The following PZP variants were observed in gnomAD, a reference collection of about 807,000 sequenced individuals.
The protein encoded by PZP is pregnancy zone protein.
PZP carries 150 observed loss-of-function variants against 179.8 expected under a neutral mutation model. The observed-to-expected ratio is 0.83, with a 90% CI of 0.73 to 0.96. The LOEUF (loss-of-function observed/expected upper bound fraction) is 0.96, where lower values mean the gene tolerates loss of function less well. PZP is among the 40% of genes least tolerant of loss of function. PZP has a pLI of 0.00. For missense variants in PZP, 1,689 were observed against 1,764.0 expected (o/e 0.96, Z 0.76); for synonymous variants, 624 against 652.3 (o/e 0.96, Z 0.66).
chr12:9,162,318 T>C, intron 22 of PZP: 1 of 328,052 alleles, frequency 3.0e-6, no homozygotes, highest in Non-Finnish European at 5.5e-6. Flanking sequence ...CAGCTGGGCT[T>C]GTCAGTGAGC....
intron 34 of PZP, among the ~76,000 whole-genome samples, chr12:9,150,408 T>C (rs1005666893): frequency 4.6e-5 from 7 of 152,022 alleles, no homozygotes; most frequent in African/African-American, 1.7e-4. Flanking sequence ...TCAGCCTCCA[T>C]AGTAGCTGGG....
chr12:9,152,169 G>A (rs191701890), intron 32 of PZP, 51 bp downstream of exon 32: 1 of 1,273,004 alleles, frequency 7.9e-7, no homozygotes, highest in South Asian at 1.2e-5. Context: ...TTAGTTTGGG[G>A]ATACAGAACA....
At position 9,196,379 on chromosome 12, in the gene PZP, A is replaced by C. The variant is rs773544413; in HGVS notation, c.1043T>G (p.Phe348Cys). ...TCTAAAGTGTGAATCCACTTTCACG[A>C]ATTTGAGTTTGGATACAATGTTTGT... ...EITNIVSKLK[F>C]VKVDSHFRQG... Residue 348 changes from phenylalanine to cysteine, a missense_variant, in exon 10 of 36, where the codon TTC becomes TGC. Physicochemically the swap from Phe to Cys is radical, Grantham distance 205 (BLOSUM62 -2). Transcript: ENST00000261336. 6.2e-7 allele frequency: 1 copy of C among 1,613,894 alleles called. No homozygotes were observed. The highest frequency in any genetic ancestry group is 8.5e-7 in the Non-Finnish European group (1 of 1,179,832).
chr12:9,184,410 A>T (rs1319006245), intron 13 of PZP, among the ~76,000 whole-genome samples: 1 of 152,192 alleles, frequency 6.6e-6, no homozygotes, highest in East Asian at 1.9e-4. Flanking sequence ...CCCCACCCCC[A>T]TGCTAACACC....
intron 28 of PZP, 115 bp downstream of exon 28, chr12:9,157,060 A>G (rs1460063060): frequency 9.4e-6 from 9 of 954,240 alleles, no homozygotes; most frequent in South Asian, 5.5e-5. Flanking sequence ...TGCATTAGCT[A>G]TCTATCCTGA....
At chr12:9,146,931 C>T (rs189121003), downstream of PZP, among the ~76,000 whole-genome samples, 16 of 152,108 alleles carry the variant, frequency 1.1e-4, no homozygotes, top group East Asian at 5.8e-4. Context: ...TTTTCCCAGG[C>T]GGAAGTTGAG....
chr12:9,184,243 C>T (rs1258342877), intron 13 of PZP, among the ~76,000 whole-genome samples: 1 of 152,206 alleles, frequency 6.6e-6, no homozygotes, highest in Admixed American at 6.5e-5. Context: ...AGGCACTAAG[C>T]TCGCCAACCC....
downstream of PZP, among the ~76,000 whole-genome samples, chr12:9,148,035 C>T (rs1940102494): frequency 6.6e-6 from 1 of 151,942 alleles, no homozygotes; most frequent in African/African-American, 2.4e-5. Flanking sequence ...ATTAACTACT[C>T]TCATGCCATT....
chr12:9,152,109 A>AT lies in PZP; in HGVS notation c.4212+110dup, dbSNP rs914772048. ...TTTACTTCCTGGGTTTGGGAAAAAT[A>AT]TTTTTTTGAGGCAGGATGATGTTGA... On this transcript the variant is annotated intron_variant, in intron 32 of 35. Coordinates refer to ENST00000261336, the MANE Select transcript of PZP (RefSeq NM_002864.3). 107 of 860,530 alleles carry AT rather than the reference A, an allele frequency of 1.2e-4. 2 individuals are homozygous for AT. In the African/African-American group the frequency reaches 1.5e-3, roughly 12 times the overall value. The allele number at this position is 860,530 out of a possible 1,614,324, so 53.3% of individuals were successfully genotyped here.
downstream of PZP, chr12:9,148,761 C>A (rs1381327601): frequency 2.0e-6 from 1 of 500,372 alleles, no homozygotes; most frequent in Non-Finnish European, 3.5e-6. Context: ...AACCTTTGCA[C>A]CAAAATTAAA....
chr12:9,203,215 GATT>G (rs1435480044), intron 2 of PZP, among the ~76,000 whole-genome samples: 1 of 152,086 alleles, frequency 6.6e-6, no homozygotes, highest in Non-Finnish European at 1.5e-5. Flanking sequence ...TGGGCAATAG[GATT>G]ATTATTTAGG....
At chr12:9,208,093 A>G (rs1944530929) in intron 1 of PZP, among the ~76,000 whole-genome samples, 166 bp downstream of exon 1, 1 of 152,176 alleles carries the variant, frequency 6.6e-6, no homozygotes, top group South Asian at 2.1e-4. Context: ...GATTTCAAGA[A>G]TAGAGGATAA....
intron 15 of PZP, 101 bp from the exon 16 acceptor site, chr12:9,169,692 A>C: frequency 3.5e-6 from 4 of 1,158,944 alleles, no homozygotes; most frequent in Non-Finnish European, 4.6e-6. Flanking sequence ...TCTTTTCTTG[A>C]GTACGTTCAT....
intron 23 of PZP, 103 bp from the exon 24 acceptor site, chr12:9,160,593 A>G: frequency 9.2e-7 from 1 of 1,087,742 alleles, no homozygotes; most frequent in Non-Finnish European, 1.3e-6. Context: ...CATTTAGGTA[A>G]GAGAAAAGTT....
At chr12:9,140,877 C>G in the PZP span, among the ~76,000 whole-genome samples, 2 of 152,170 alleles carry the variant, frequency 1.3e-5, no homozygotes, top group Non-Finnish European at 2.9e-5. Flanking sequence ...CCTTAAAGGA[C>G]AGCACACCTC....
chr12:9,153,262 C>CGGT lies in PZP; in HGVS notation c.3853_3855dup (p.Thr1285dup), dbSNP rs775876802. On this transcript the variant is annotated inframe_insertion, in exon 30 of 36. Coordinates refer to ENST00000261336, the MANE Select transcript of PZP (RefSeq NM_002864.3). ...GTAGAAAAGGTCTGTGAATCCTGAACGGTGACCTGTGCAGTTTTCTCAGTT... is the reference window on the plus strand; with the variant it reads ...GTAGAAAAGGTCTGTGAATCCTGAACGGTGGTGACCTGTGCAGTTTTCTCAGTT... 3.1e-6 allele frequency: 5 copies of CGGT among 1,614,000 alleles called. No individual in the cohort carries two copies. The African/African-American group carries it at 6.7e-5, about 22-fold the overall frequency.
In PZP at chr12:9,197,078, C is replaced by T. The variant is rs1943819493; in HGVS notation, c.801G>A (p.Leu267=). The part of the protein sequence containing the change: ...KPVPGLATVS[L]CRKLSRVLNC... The stretch of plus-strand genomic sequence containing the variant: ...TAAGAACACGAGATAATTTTCTACA[C>T]AGGCTCACAGTTGCAAGTCCTGGGA... The change falls in exon 8 of 36, where the codon CTG becomes CTA. Residue 267 remains leucine, a synonymous_variant. Transcript: ENST00000261336. 6.2e-7 allele frequency: 1 copy of T among 1,613,498 alleles called. No homozygotes were observed. Among genetic ancestry groups the T allele is most frequent in the South Asian group, 1.1e-5 (1 of 91,062 alleles).
intron 19 of PZP, 52 bp from the exon 20 acceptor site, chr12:9,164,311 C>T (rs1863839): frequency 0.42 from 661,736 of 1,569,710 alleles, 140,546 homozygotes; most frequent in East Asian, 0.46. Context: ...TGGAACGACA[C>T]GAACACATAG....
intron 11 of PZP, among the ~76,000 whole-genome samples, chr12:9,193,250 G>A (rs1190950606): frequency 6.6e-6 from 1 of 152,148 alleles, no homozygotes; most frequent in Admixed American, 6.6e-5. Context: ...TGCAGATAAT[G>A]TTTTGCGCAC....
Sources: gnomAD v4.1 joint callset for allele counts (sites outside exome capture counted in the v4.1 genomes callset) on GRCh38, gnomAD v4.1.1 for gene constraint, MANE v1.5 for transcripts, NCBI Gene and HGNC (gene_info 2026-07-23, HGNC 2026-07-21) for gene names.